Variants in ZBTB8A observed in about 807,000 individuals in gnomAD.
ZBTB8A encodes zinc finger and BTB domain-containing protein 8A.
ZBTB8A carries 19 observed loss-of-function variants against 37.8 expected under a neutral mutation model. That is an observed-to-expected ratio of 0.50 (90% confidence interval 0.35 to 0.74). The LOEUF (loss-of-function observed/expected upper bound fraction) is 0.74, where lower values mean the gene tolerates loss of function less well. Among genes scored for constraint, ZBTB8A ranks in the 30% least tolerant of loss-of-function variants. ZBTB8A has a pLI of 0.01. For synonymous variants in ZBTB8A, 181 were observed against 185.2 expected, an observed-to-expected ratio of 0.98 and a Z score of 0.19; for missense variants, 394 against 537.8, an observed-to-expected ratio of 0.73 and a Z score of 2.65.
intron 2 of ZBTB8A, among the ~76,000 whole-genome samples, chr1:32,562,121 GT>G (rs770827959): frequency 1.1e-3 from 145 of 129,846 alleles, no homozygotes; most frequent in Admixed American, 1.6e-3. Flanking sequence ...ATTTTTGTTT[GT>G]TTTTTTTTTT....
At chr1:32,575,514 C>T (rs1297371857) in intron 2 of ZBTB8A, among the ~76,000 whole-genome samples, 9 of 151,752 alleles carry the variant, frequency 5.9e-5, no homozygotes, top group African/African-American at 1.9e-4. Flanking sequence ...CGTGAGCCAC[C>T]GCGCCCGGCC....
chr1:32,584,515 T>C (rs1029519834), intron 2 of ZBTB8A, among the ~76,000 whole-genome samples: 84 of 129,184 alleles, frequency 6.5e-4, no homozygotes, highest in Middle Eastern at 4.0e-3. Flanking sequence ...TTTCTTTTTT[T>C]TTTTTTTTTT....
chr1:32,593,154 A>AC lies in ZBTB8A; in HGVS notation c.224dup (p.Thr77TyrfsTer27). 1.2e-6 allele frequency: 2 copies of AC among 1,614,184 alleles called. No individual in the cohort carries two copies. The highest frequency in any genetic ancestry group is 1.7e-6 in the Non-Finnish European group (2 of 1,180,042). ...TACATTTCAGGCTTTCTCCCCTGAC[A>AC]CTTTTACAGTTATCTTGGACTTCGT... On this transcript the variant is annotated frameshift_variant, in exon 3 of 5. Transcript: ENST00000373510. LOFTEE classifies it high-confidence loss of function.
At chr1:32,551,686 G>A (rs569526526) in intron 1 of ZBTB8A, among the ~76,000 whole-genome samples, 1 of 152,264 alleles carries the variant, frequency 6.6e-6, no homozygotes, top group East Asian at 1.9e-4. Flanking sequence ...TTCAGCCTGG[G>A]CAACAAGAGC....
intron 3 of ZBTB8A, among the ~76,000 whole-genome samples, chr1:32,594,826 C>T (rs1045117896): frequency 6.6e-6 from 1 of 151,552 alleles, no homozygotes; most frequent in East Asian, 1.9e-4. Context: ...ATATCAAATA[C>T]CGAAGTTAAA....
At chr1:32,573,782 T>C (rs1489654282) in intron 2 of ZBTB8A, among the ~76,000 whole-genome samples, 1 of 133,966 alleles carries the variant, frequency 7.5e-6, no homozygotes, top group African/African-American at 2.8e-5. Flanking sequence ...TTTAAAACTA[T>C]ACATTTTCCT....
At chr1:32,585,871 C>T (rs577397582) in intron 2 of ZBTB8A, among the ~76,000 whole-genome samples, 1 of 151,728 alleles carries the variant, frequency 6.6e-6, no homozygotes, top group South Asian at 2.1e-4. Context: ...GGCGTGGTGG[C>T]GGGCTCCTAT....
At chr1:32,543,539 A>G (rs191024384) in intron 1 of ZBTB8A, among the ~76,000 whole-genome samples, 4 of 152,004 alleles carry the variant, frequency 2.6e-5, no homozygotes, top group Admixed American at 2.6e-4. Context: ...GTTAACAGTC[A>G]CTCCTATTCC....
chr1:32,577,256 G>A (rs577843615), intron 2 of ZBTB8A, among the ~76,000 whole-genome samples: 10 of 151,178 alleles, frequency 6.6e-5, no homozygotes, highest in South Asian at 4.2e-4. Context: ...GTGCAGTGGC[G>A]CGATCTCAGC....
At chr1:32,567,146 C>G (rs1030118709) in intron 2 of ZBTB8A, among the ~76,000 whole-genome samples, 2 of 152,096 alleles carry the variant, frequency 1.3e-5, no homozygotes, top group Non-Finnish European at 2.9e-5. Context: ...AGGAAACTTA[C>G]AGTGATGGCA....
intron 1 of ZBTB8A, among the ~76,000 whole-genome samples, chr1:32,548,209 C>A (rs1308316213): frequency 6.7e-6 from 1 of 150,132 alleles, no homozygotes; most frequent in African/African-American, 2.5e-5. Context: ...TAGTTGGAGT[C>A]GAGGGTTGCT....
intron 2 of ZBTB8A, among the ~76,000 whole-genome samples, chr1:32,569,807 G>C (rs1348022924): frequency 6.8e-6 from 1 of 147,376 alleles, no homozygotes; most frequent in Non-Finnish European, 1.5e-5. Flanking sequence ...GTAAAAAATA[G>C]AGATAGGGTT....
At chr1:32,546,252 T>C (rs1644103004) in intron 1 of ZBTB8A, among the ~76,000 whole-genome samples, 1 of 152,084 alleles carries the variant, frequency 6.6e-6, no homozygotes, top group Non-Finnish European at 1.5e-5. Flanking sequence ...GAGACCAGCC[T>C]GGCCAACATG....
chr1:32,600,190 A>G lies in ZBTB8A; in HGVS notation c.1097A>G (p.Asn366Ser), dbSNP rs1644564926. The G allele has an allele frequency of 6.2e-7, 1 of 1,614,208 alleles. No homozygotes were observed. Among genetic ancestry groups the G allele is most frequent in the Non-Finnish European group, 8.5e-7 (1 of 1,180,030 alleles). ...GGAACCAGGCGCTACAGACTGTGTA[A>G]TGAGTGTCTTGCAGAATTTGGCATA... is the stretch of plus-strand genomic sequence containing the variant. ...QEGTRRYRLC[N>S]ECLAEFGIDS... Residue 366 changes from asparagine to serine, a missense_variant, in exon 5 of 5, where the codon AAT becomes AGT. Asn to Ser is a conservative substitution (Grantham distance 46). This residue lies in a region of ZBTB8A where 85 missense variants were observed against 89.0 expected (regional missense o/e 0.95). Coordinates refer to ENST00000373510, the MANE Select transcript of ZBTB8A (RefSeq NM_001040441.3).
At chr1:32,547,855 C>G (rs1295758690) in intron 1 of ZBTB8A, among the ~76,000 whole-genome samples, 2 of 137,468 alleles carry the variant, frequency 1.5e-5, no homozygotes, top group African/African-American at 5.5e-5. Flanking sequence ...AAAAAAAGAC[C>G]AGGCGCAGTG....
intron 2 of ZBTB8A, among the ~76,000 whole-genome samples, chr1:32,556,031 C>G (rs1644199096): frequency 6.6e-6 from 1 of 151,862 alleles, no homozygotes; most frequent in Non-Finnish European, 1.5e-5. Flanking sequence ...ACCTCAGCCT[C>G]CCAAGTAGCT....
chr1:32,599,877 A>T (rs1442355984), intron 4 of ZBTB8A, among the ~76,000 whole-genome samples: 1 of 152,222 alleles, frequency 6.6e-6, no homozygotes, highest in Non-Finnish European at 1.5e-5. Flanking sequence ...AATAAAAAAC[A>T]TGATAGCCAC....
intron 1 of ZBTB8A, among the ~76,000 whole-genome samples, chr1:32,550,399 T>G: frequency 6.8e-6 from 1 of 146,136 alleles, no homozygotes. Context: ...GGTGGATTGC[T>G]TGAGTCCAGG....
chr1:32,595,369 G>A (rs748349662), intron 4 of ZBTB8A, 146 bp downstream of exon 4: 16 of 753,004 alleles, frequency 2.1e-5, no homozygotes, highest in Non-Finnish European at 3.2e-5. Context: ...CCGGGTTCAA[G>A]CAATTCTCCT....
Sources: allele counts gnomAD v4.1 joint callset (sites outside exome capture counted in the v4.1 genomes callset), GRCh38; gene constraint gnomAD v4.1.1; regional missense constraint gnomAD v4.1.1; transcripts MANE v1.5; gene names NCBI Gene and HGNC (gene_info 2026-07-23, HGNC 2026-07-21).